Variants in ADGRB3 observed in about 807,000 individuals in gnomAD.
ADGRB3 encodes the protein brain-specific angiogenesis inhibitor 3.
In ADGRB3, 37 loss-of-function variants were observed where a neutral mutation model predicts 193.4. That is an observed-to-expected ratio of 0.19 (90% CI 0.15 to 0.25). The LOEUF (loss-of-function observed/expected upper bound fraction) is 0.25, where lower values mean the gene tolerates loss of function less well. Among genes scored for constraint, ADGRB3 ranks in the 10% least tolerant of loss-of-function variants. The pLI is 1.00. For synonymous variants in ADGRB3, 690 were observed against 644.2 expected, an observed-to-expected ratio of 1.07 and a Z score of -1.08; for missense variants, 1,637 against 1,852.9, an observed-to-expected ratio of 0.88 and a Z score of 2.14.
chr6:69,148,270 A>T (rs140970619), intron 17 of ADGRB3, among the ~76,000 whole-genome samples: 50 of 151,984 alleles, frequency 3.3e-4, no homozygotes, highest in South Asian at 8.3e-4. Flanking sequence ...TTTAAAATGT[A>T]TTACTTTTTA....
intron 10 of ADGRB3, among the ~76,000 whole-genome samples, chr6:68,983,115 A>T (rs1768972921): frequency 6.6e-6 from 1 of 152,174 alleles, no homozygotes; most frequent in African/African-American, 2.4e-5. Context: ...TTTAAATTGT[A>T]TTATAAAAAA....
intron 3 of ADGRB3, among the ~76,000 whole-genome samples, chr6:68,681,743 G>A (rs1436591113): frequency 6.6e-6 from 1 of 152,038 alleles, no homozygotes; most frequent in African/African-American, 2.4e-5. Flanking sequence ...GATTATAATA[G>A]GACTAGGCAC....
chr6:69,182,234 G>T (rs779903760), intron 17 of ADGRB3, among the ~76,000 whole-genome samples: 1 of 152,092 alleles, frequency 6.6e-6, no homozygotes, highest in Non-Finnish European at 1.5e-5. Context: ...GAGAAAAATT[G>T]CAGAGTAGAG....
chr6:68,792,222 C>G lies in ADGRB3; in HGVS notation c.758-138337C>G, dbSNP rs564638291. ...TGAATTCTGCAATTCATAAAGAAGT[C>G]TAGGTATAGACATCTTTAATGGTCA... On this transcript the variant is annotated intron_variant, in intron 3 of 31. Transcript: ENST00000370598. 3.0e-3 allele frequency among the ~76,000 whole-genome samples: 456 copies of G among 152,234 alleles called. 5 individuals are homozygous for G. Among genetic ancestry groups the G allele is most frequent in the African/African-American group, 0.011 (444 of 41,548 alleles).
chr6:69,269,845 AT>A (rs1767134667), intron 20 of ADGRB3, among the ~76,000 whole-genome samples: 1 of 152,202 alleles, frequency 6.6e-6, no homozygotes, highest in South Asian at 2.1e-4. Flanking sequence ...CAAATTAAAT[AT>A]TGTAAAAGCT....
intron 15 of ADGRB3, among the ~76,000 whole-genome samples, chr6:69,052,976 A>G (rs1363063778): frequency 2.0e-5 from 3 of 152,202 alleles, no homozygotes; most frequent in African/African-American, 7.2e-5. Flanking sequence ...ACTTGAGGTC[A>G]TGCATTCAAG....
At chr6:68,741,373 AT>A (rs61454521) in intron 3 of ADGRB3, among the ~76,000 whole-genome samples, 1 of 151,856 alleles carries the variant, frequency 6.6e-6, no homozygotes, top group Non-Finnish European at 1.5e-5. Context: ...CTTTTTTTAA[AT>A]TTTTTTTAAT....
chr6:68,711,665 A>G (rs1438708657), intron 3 of ADGRB3, among the ~76,000 whole-genome samples: 2 of 152,070 alleles, frequency 1.3e-5, no homozygotes, highest in Admixed American at 1.3e-4. Context: ...ACTGAGGTTG[A>G]CTTGACTGCT....
intron 3 of ADGRB3, among the ~76,000 whole-genome samples, chr6:68,672,291 C>T (rs535420848): frequency 6.0e-5 from 9 of 150,954 alleles, no homozygotes; most frequent in Non-Finnish European, 1.2e-4. Context: ...TATTTCTTTT[C>T]TTCTACTAAT....
At chr6:69,172,573 G>A (rs1198657872) in intron 17 of ADGRB3, among the ~76,000 whole-genome samples, 1 of 147,516 alleles carries the variant, frequency 6.8e-6, no homozygotes, top group Non-Finnish European at 1.5e-5. Flanking sequence ...GAACCTGGGA[G>A]GCGGAGCTTG....
chr6:68,875,364 T>C (rs1765570538), intron 3 of ADGRB3, among the ~76,000 whole-genome samples: 1 of 144,806 alleles, frequency 6.9e-6, no homozygotes, highest in Non-Finnish European at 1.5e-5. Flanking sequence ...CTAAATCAGC[T>C]GATATATTTG....
chr6:68,884,420 A>T (rs897764812), intron 3 of ADGRB3, among the ~76,000 whole-genome samples: 1 of 152,208 alleles, frequency 6.6e-6, no homozygotes, highest in Non-Finnish European at 1.5e-5. Context: ...TTGGATTGAG[A>T]GTGAGAACAT....
intron 11 of ADGRB3, among the ~76,000 whole-genome samples, chr6:69,006,629 C>A (rs1769764062): frequency 6.6e-6 from 1 of 151,860 alleles, no homozygotes; most frequent in East Asian, 1.9e-4. Flanking sequence ...CCTTAGCCTC[C>A]TAAGTAGCTG....
At chr6:69,320,359 T>C (rs1768419714) in intron 20 of ADGRB3, among the ~76,000 whole-genome samples, 1 of 151,462 alleles carries the variant, frequency 6.6e-6, no homozygotes, top group South Asian at 2.1e-4. Flanking sequence ...TATTTATTTA[T>C]TTTTAACTAT....
intron 17 of ADGRB3, among the ~76,000 whole-genome samples, chr6:69,170,002 C>T (rs184513655): frequency 6.6e-6 from 1 of 152,194 alleles, no homozygotes; most frequent in East Asian, 1.9e-4. Flanking sequence ...TCGAGAAAAC[C>T]ATTCAGGCTT....
At chr6:69,320,847 G>GTGTA (rs1768439706) in intron 20 of ADGRB3, among the ~76,000 whole-genome samples, 2 of 151,412 alleles carry the variant, frequency 1.3e-5, no homozygotes, top group African/African-American at 4.8e-5. Context: ...GTGTGTGTGT[G>GTGTA]TGTGTGTATC....
At chr6:68,787,083 A>C (rs142605001) in intron 3 of ADGRB3, among the ~76,000 whole-genome samples, 1 of 152,154 alleles carries the variant, frequency 6.6e-6, no homozygotes, top group African/African-American at 2.4e-5. Flanking sequence ...TAGATATACA[A>C]TCATGTAATC....
chr6:69,282,133 A>G (rs1209774074), intron 20 of ADGRB3, among the ~76,000 whole-genome samples: 1 of 151,990 alleles, frequency 6.6e-6, no homozygotes, highest in African/African-American at 2.4e-5. Context: ...TCCACATCCC[A>G]CTCTGTTTTC....
In ADGRB3 at chr6:69,330,530, A is replaced by T. The variant is rs137871096; in HGVS notation, c.3060A>T (p.Gly1020=). The T allele has an allele frequency of 6.6e-5, 106 of 1,607,582 alleles. No individual in the cohort carries two copies. In the African/African-American group the frequency reaches 1.2e-3, roughly 19 times the overall value. The change falls in exon 23 of 32, where the codon GGA becomes GGT. Residue 1020 remains glycine (G), a synonymous_variant. Transcript: ENST00000370598. ...GCTGCTGGCTCTCTCTTGAAGGAGG[A>T]CTACTCTATGCTTTTGTGGGACCTG... The part of the protein sequence containing the change: ...DHYCWLSLEG[G]LLYAFVGPAA...
Sources: gnomAD v4.1 joint callset for allele counts (sites outside exome capture counted in the v4.1 genomes callset) on GRCh38, gnomAD v4.1.1 for gene constraint, MANE v1.5 for transcripts, NCBI Gene and HGNC (gene_info 2026-07-23, HGNC 2026-07-21) for gene names.